Variants in PHACTR4 observed in about 807,000 individuals in gnomAD.
PHACTR4 encodes the protein phosphatase and actin regulator 4.
PHACTR4 carries 51 observed loss-of-function variants against 72.7 expected under a neutral mutation model. That is an observed-to-expected ratio of 0.70 (90% confidence interval 0.56 to 0.89). The LOEUF is 0.89. Ranked by LOEUF, PHACTR4 falls within the 40% of genes least tolerant of loss-of-function variation. The pLI is 0.00. For synonymous variants in PHACTR4, 255 were observed against 302.5 expected (o/e 0.84, Z 1.63); for missense variants, 731 against 861.8 (o/e 0.85, Z 1.90).
chr1:28,476,652 C>G (rs994344890), intron 8 of PHACTR4, among the ~76,000 whole-genome samples: 1 of 150,878 alleles, frequency 6.6e-6, no homozygotes, highest in Non-Finnish European at 1.5e-5. Context: ...GTGATCCTTA[C>G]GCCTCAACCT....
chr1:28,386,972 G>T (rs145155892), intron 1 of PHACTR4, among the ~76,000 whole-genome samples: 258 of 152,162 alleles, frequency 1.7e-3, no homozygotes, highest in African/African-American at 5.9e-3. Context: ...TTAAAAATTA[G>T]AGCCCTCAGG....
At chr1:28,436,474 G>C (rs1011138270) in intron 2 of PHACTR4, among the ~76,000 whole-genome samples, 1 of 151,994 alleles carries the variant, frequency 6.6e-6, no homozygotes, top group African/African-American at 2.4e-5. Context: ...CACAGGATTT[G>C]ACCTTACTAG....
At chr1:28,387,140 A>T (rs1413812657) in intron 1 of PHACTR4, among the ~76,000 whole-genome samples, 1 of 152,002 alleles carries the variant, frequency 6.6e-6, no homozygotes, top group Non-Finnish European at 1.5e-5. Flanking sequence ...ACGCACCTAT[A>T]GTCCCAGCTA....
At position 28,496,590 on chromosome 1, in the gene PHACTR4, GCTTC is replaced by G; in HGVS notation, c.*46_*49del. The G allele has an allele frequency of 2.5e-6, 4 of 1,611,012 alleles. No homozygotes were observed. The highest frequency in any genetic ancestry group is 3.4e-6 in the Non-Finnish European group (4 of 1,178,106). ...GAGGAATCAACATGGCTGCTTTGCT[GCTTC>G]CTTCTCCAAAGTGACATATGGAGGG... On this transcript the variant is annotated 3_prime_UTR_variant, in exon 14 of 14. Coordinates refer to ENST00000373839, the MANE Select transcript of PHACTR4 (RefSeq NM_001048183.3).
chr1:28,487,524 A>G (rs1261137059), intron 9 of PHACTR4, among the ~76,000 whole-genome samples: 2 of 148,396 alleles, frequency 1.3e-5, no homozygotes, highest in Non-Finnish European at 3.0e-5. Context: ...CACACAAAAA[A>G]AAAAAAAAAA....
chr1:28,400,641 G>A (rs1653875105), intron 1 of PHACTR4, among the ~76,000 whole-genome samples: 1 of 151,570 alleles, frequency 6.6e-6, no homozygotes, highest in Admixed American at 6.6e-5. Context: ...GTGCAGTGGC[G>A]CAATCTCAGC....
At chr1:28,377,157 C>T (rs1475638621) in intron 1 of PHACTR4, among the ~76,000 whole-genome samples, 1 of 150,748 alleles carries the variant, frequency 6.6e-6, no homozygotes, top group Non-Finnish European at 1.5e-5. Context: ...CCTGAGGTTC[C>T]AAACTCCTGA....
chr1:28,492,138 G>A (rs955591394), intron 12 of PHACTR4, among the ~76,000 whole-genome samples: 1 of 152,138 alleles, frequency 6.6e-6, no homozygotes, highest in African/African-American at 2.4e-5. Flanking sequence ...ATAATGCTGT[G>A]AAAAACTATA....
At chr1:28,461,850 TTTC>T (rs1289738688) in intron 4 of PHACTR4, among the ~76,000 whole-genome samples, 1 of 133,526 alleles carries the variant, frequency 7.5e-6, no homozygotes, top group African/African-American at 4.1e-5. Context: ...GTTTTCTTTC[TTTC>T]TTTTTTTTTT....
chr1:28,481,802 A>AG (rs797004795), intron 9 of PHACTR4, among the ~76,000 whole-genome samples: 43 of 148,202 alleles, frequency 2.9e-4, no homozygotes, highest in African/African-American at 1.0e-3. Context: ...AAAAAAAAAA[A>AG]GAAAAGAAAA....
chr1:28,496,560 T>C lies in PHACTR4; in HGVS notation c.*11T>C. 6 of 1,613,874 alleles carry C rather than the reference T, an allele frequency of 3.7e-6. No individual in the cohort carries two copies. Among genetic ancestry groups the C allele is most frequent in the Non-Finnish European group, 5.1e-6 (6 of 1,179,924 alleles). On this transcript the variant is annotated 3_prime_UTR_variant, in exon 14 of 14. Coordinates refer to ENST00000373839, the MANE Select transcript of PHACTR4 (RefSeq NM_001048183.3). The stretch of plus-strand genomic sequence containing the variant: ...TACCATCGTCCATGATGCCAAAGGT[T>C]GAGAGAGGAATCAACATGGCTGCTT...
chr1:28,497,094 C>T lies in PHACTR4; in HGVS notation c.*545C>T, dbSNP rs1359318520. On this transcript the variant is annotated 3_prime_UTR_variant, in exon 14 of 14. Coordinates refer to ENST00000373839, the MANE Select transcript of PHACTR4 (RefSeq NM_001048183.3). Reference sequence around the variant, plus strand: ...CAGATGAAAGCATTGCACTGTACCTCTCGTAACACAGCAATACAGTCCTCT... The same window carrying T: ...CAGATGAAAGCATTGCACTGTACCTTTCGTAACACAGCAATACAGTCCTCT... 2 of 158,634 alleles carry T rather than the reference C, an allele frequency of 1.3e-5. No individual in the cohort carries two copies. Among genetic ancestry groups the T allele is most frequent in the African/African-American group, 4.8e-5 (2 of 41,502 alleles). 9.8% of individuals were successfully genotyped at this position (158,634 alleles called of 1,614,324 possible).
chr1:28,380,041 T>C (rs913502526), intron 1 of PHACTR4, among the ~76,000 whole-genome samples: 12 of 150,698 alleles, frequency 8.0e-5, no homozygotes, highest in Non-Finnish European at 1.6e-4. Context: ...CTGTGTTTTT[T>C]TAAATGTAAC....
intron 1 of PHACTR4, among the ~76,000 whole-genome samples, chr1:28,375,105 C>G (rs936501312): frequency 1.4e-4 from 21 of 152,216 alleles, no homozygotes; most frequent in African/African-American, 5.1e-4. Flanking sequence ...TCGAGACGAG[C>G]CTGGCCAACA....
chr1:28,496,008 A>C (rs1661325896), intron 13 of PHACTR4, among the ~76,000 whole-genome samples: 1 of 151,844 alleles, frequency 6.6e-6, no homozygotes, highest in South Asian at 2.1e-4. Flanking sequence ...GAAGAGAGAA[A>C]ATTATGGAAA....
chr1:28,447,121 C>T (rs1361871307), intron 2 of PHACTR4, among the ~76,000 whole-genome samples: 17 of 151,882 alleles, frequency 1.1e-4, no homozygotes, highest in Admixed American at 1.1e-3. Context: ...AAGTAATTCT[C>T]CTGCCTTGGC....
intron 1 of PHACTR4, among the ~76,000 whole-genome samples, chr1:28,404,276 CTTTTTT>C (rs58454588): frequency 0.21 from 21,173 of 101,254 alleles, 1,813 homozygotes; most frequent in Middle Eastern, 0.36. Context: ...TATGAACATC[CTTTTTT>C]TTTTTTTTTT....
intron 8 of PHACTR4, among the ~76,000 whole-genome samples, chr1:28,478,517 C>T (rs1481497289): frequency 6.6e-6 from 1 of 152,126 alleles, no homozygotes; most frequent in African/African-American, 2.4e-5. Flanking sequence ...CTGTAACCTC[C>T]GCCTCCCAGG....
At chr1:28,433,148 A>T in intron 2 of PHACTR4, 1 of 923,292 alleles carries the variant, frequency 1.1e-6, no homozygotes, top group Non-Finnish European at 1.3e-6. Flanking sequence ...GTACTCTAAA[A>T]AGGGAGTATC....
Sources: gnomAD v4.1 joint callset for allele counts (sites outside exome capture counted in the v4.1 genomes callset) on GRCh38, gnomAD v4.1.1 for gene constraint, MANE v1.5 for transcripts, NCBI Gene and HGNC (gene_info 2026-07-23, HGNC 2026-07-21) for gene names.